Variants in KPNA5 observed in about 807,000 individuals in gnomAD.
KPNA5 encodes karyopherin subunit alpha 5.
KPNA5 carries 46 observed loss-of-function variants against 71.3 expected under a neutral mutation model. The observed-to-expected ratio is 0.65, with a 90% CI of 0.51 to 0.83. The LOEUF (loss-of-function observed/expected upper bound fraction) is 0.83. KPNA5 is among the 40% of genes least tolerant of loss of function. The pLI, the probability that KPNA5 is intolerant of heterozygous loss-of-function variation, is 0.00. For missense variants in KPNA5, 547 were observed against 628.3 expected, an observed-to-expected ratio of 0.87 and a Z score of 1.38; for synonymous variants, 207 against 201.4, an observed-to-expected ratio of 1.03 and a Z score of -0.24.
intron 7 of KPNA5, among the ~76,000 whole-genome samples, chr6:116,714,429 TAGTC>T (rs1331324290): frequency 2.6e-5 from 4 of 152,222 alleles, no homozygotes; most frequent in South Asian, 4.1e-4. Flanking sequence ...CTTCAATTCT[TAGTC>T]AGGCTGATTA....
intron 10 of KPNA5, 81 bp from the exon 11 acceptor site, chr6:116,725,670 A>G: frequency 8.1e-7 from 1 of 1,228,184 alleles, no homozygotes; most frequent in East Asian, 2.6e-5. Flanking sequence ...TGGGTTTTGT[A>G]CATCTAAATA....
intron 10 of KPNA5, 49 bp from the exon 11 acceptor site, chr6:116,725,702 T>C (rs1323587419): frequency 6.9e-7 from 1 of 1,456,768 alleles, no homozygotes; most frequent in Non-Finnish European, 9.4e-7. Context: ...GATTTTCATA[T>C]AGGTTATTTA....
At chr6:116,702,494 C>A (rs994636050) in intron 6 of KPNA5, among the ~76,000 whole-genome samples, 1 of 152,084 alleles carries the variant, frequency 6.6e-6, no homozygotes, top group Non-Finnish European at 1.5e-5. Flanking sequence ...ACCAGCCTGG[C>A]CAACATGGCA....
intron 8 of KPNA5, 78 bp from the exon 9 acceptor site, chr6:116,722,048 A>G: frequency 8.8e-7 from 1 of 1,130,240 alleles, no homozygotes; most frequent in African/African-American, 1.6e-5. Context: ...TTGTTTTAAA[A>G]TGAATTTCTA....
chr6:116,690,516 G>A (rs1055316887), intron 2 of KPNA5, among the ~76,000 whole-genome samples: 13 of 151,858 alleles, frequency 8.6e-5, no homozygotes, highest in Non-Finnish European at 2.9e-5. Flanking sequence ...GGTGGCTGGC[G>A]CCTGTTGTCC....
chr6:116,711,675 T>G (rs1387653678), intron 7 of KPNA5, among the ~76,000 whole-genome samples: 1 of 152,196 alleles, frequency 6.6e-6, no homozygotes, highest in Non-Finnish European at 1.5e-5. Context: ...GAAGATACTT[T>G]TTATGATTTC....
chr6:116,731,519 G>A (rs561806917), intron 13 of KPNA5, among the ~76,000 whole-genome samples: 4 of 152,196 alleles, frequency 2.6e-5, no homozygotes, highest in Middle Eastern at 3.4e-3. Context: ...CCAGACTTAC[G>A]TGTAGAGCTT....
chr6:116,698,393 G>C (rs3798398), intron 4 of KPNA5, among the ~76,000 whole-genome samples: 27,799 of 151,940 alleles, frequency 0.18, 2,723 homozygotes, highest in East Asian at 0.3. Context: ...TTGGTATTTT[G>C]AGTTTTAGAC....
chr6:116,685,336 A>G (rs1306144996), intron 1 of KPNA5, among the ~76,000 whole-genome samples: 1 of 152,178 alleles, frequency 6.6e-6, no homozygotes, highest in Admixed American at 6.5e-5. Flanking sequence ...AGCTTGTTGT[A>G]TAGGTAAACT....
chr6:116,692,347 C>A lies in KPNA5; in HGVS notation c.295C>A (p.Gln99Lys). The A allele has an allele frequency of 6.2e-7, 1 of 1,605,970 alleles. No individual in the cohort carries two copies. The highest frequency in any genetic ancestry group is 1.1e-5 in the South Asian group (1 of 88,282). The change falls in exon 4 of 14, where the codon CAA becomes AAA. Residue 99 changes from glutamine (Q) to lysine (K), a missense_variant. Coordinates refer to ENST00000368564, the MANE Select transcript of KPNA5 (RefSeq NM_001366306.2). ...VQMIFSNNAD[Q>K]QLTATQKFRK... ...GATGATTTTTTCTAATAATGCTGAT[C>A]AACAGCTAACAGCAACACAGAAATT... is the stretch of plus-strand genomic sequence containing the variant.
intron 8 of KPNA5, among the ~76,000 whole-genome samples, chr6:116,716,589 C>G (rs1462036967): frequency 6.6e-6 from 1 of 152,196 alleles, no homozygotes; most frequent in Non-Finnish European, 1.5e-5. Context: ...TCTAGTCTAG[C>G]TCTCTCATTT....
At chr6:116,697,860 A>G (rs1219337852) in intron 4 of KPNA5, among the ~76,000 whole-genome samples, 2 of 152,070 alleles carry the variant, frequency 1.3e-5, no homozygotes, top group Non-Finnish European at 2.9e-5. Flanking sequence ...AGGTGTTAAA[A>G]TAAAAATGCA....
intron 8 of KPNA5, among the ~76,000 whole-genome samples, chr6:116,717,990 C>A (rs1778954688): frequency 6.6e-6 from 1 of 152,160 alleles, no homozygotes; most frequent in African/African-American, 2.4e-5. Context: ...CACTTTAGTG[C>A]AGCAGGTGAG....
At position 116,689,404 on chromosome 6, in the gene KPNA5, G is replaced by A. The variant is rs375939202; in HGVS notation, c.89G>A (p.Arg30Gln). 1.1e-5 allele frequency: 17 copies of A among 1,608,306 alleles called. No homozygotes were observed. Among genetic ancestry groups the A allele is most frequent in the East Asian group, 4.5e-5 (2 of 44,540 alleles). ...KALNPQEMRR[R>Q]REEEGIQLRK... ...CTAAATCCTCAAGAGATGCGTAGAC[G>A]AAGAGAAGAAGAAGGAATACAGCTT... The change falls in exon 2 of 14, where the codon CGA becomes CAA. Residue 30 changes from arginine to glutamine, a missense_variant. Physicochemically the swap from Arg to Gln is conservative, Grantham distance 43. Coordinates refer to ENST00000368564, the MANE Select transcript of KPNA5 (RefSeq NM_001366306.2).
At chr6:116,689,546 G>C (rs993687139) in intron 2 of KPNA5, 93 bp downstream of exon 2, 3 of 1,087,290 alleles carry the variant, frequency 2.8e-6, no homozygotes, top group Non-Finnish European at 3.8e-6. Flanking sequence ...TTAAGAAATT[G>C]AATATAGCTA....
intron 7 of KPNA5, among the ~76,000 whole-genome samples, chr6:116,714,116 A>G (rs998750872): frequency 2.0e-4 from 31 of 152,304 alleles, no homozygotes; most frequent in African/African-American, 7.2e-4. Flanking sequence ...TGCATGCCTC[A>G]TAATTTCTTG....
intron 13 of KPNA5, among the ~76,000 whole-genome samples, chr6:116,731,553 T>C (rs1358686810): frequency 6.6e-6 from 1 of 151,614 alleles, no homozygotes; most frequent in Non-Finnish European, 1.5e-5. Flanking sequence ...GTAAAATCGA[T>C]TGCTATAGAT....
intron 8 of KPNA5, among the ~76,000 whole-genome samples, chr6:116,719,975 A>G (rs908117700): frequency 6.6e-6 from 1 of 151,994 alleles, no homozygotes; most frequent in Admixed American, 6.6e-5. Flanking sequence ...CTTCATTTCA[A>G]CCTCCACTGT....
intron 7 of KPNA5, among the ~76,000 whole-genome samples, chr6:116,707,113 A>G (rs1301045104): frequency 6.6e-6 from 1 of 152,096 alleles, no homozygotes; most frequent in Non-Finnish European, 1.5e-5. Flanking sequence ...GCAGTGAGCC[A>G]AGATCACGCC....
Sources: allele counts gnomAD v4.1 joint callset (sites outside exome capture counted in the v4.1 genomes callset), GRCh38; gene constraint gnomAD v4.1.1; transcripts MANE v1.5; gene names NCBI Gene and HGNC (gene_info 2026-07-23, HGNC 2026-07-21).